CNTRL: variants seen among roughly 807,000 people sequenced by gnomAD.
CNTRL encodes centriolin.
In CNTRL, 233 loss-of-function variants were observed where a neutral mutation model predicts 303.7. The observed-to-expected ratio is 0.77, with a 90% confidence interval of 0.69 to 0.86. The LOEUF is 0.86. Ranked by LOEUF, CNTRL falls within the 40% of genes least tolerant of loss-of-function variation. CNTRL has a pLI of 0.00. For missense variants in CNTRL, 2,524 were observed against 2,650.6 expected (o/e 0.95, Z 1.05); for synonymous variants, 900 against 922.2 (o/e 0.98, Z 0.44).
chr9:121,076,786 G>A (rs564472680), intron 1 of CNTRL, among the ~76,000 whole-genome samples: 18 of 152,140 alleles, frequency 1.2e-4, no homozygotes, highest in African/African-American at 2.4e-4. Flanking sequence ...CAGAGGAATC[G>A]GAATCAGGAT....
chr9:121,135,294 T>C (rs1193054158), intron 14 of CNTRL, among the ~76,000 whole-genome samples: 1 of 150,904 alleles, frequency 6.6e-6, no homozygotes, highest in Non-Finnish European at 1.5e-5. Flanking sequence ...GTATGGGCTT[T>C]GGAGTCGGAG....
rs147142809 is a variant in CNTRL at position 121,140,864 on chromosome 9, A to G, written c.2483+78A>G. 6 of 1,373,484 alleles carry G rather than the reference A, an allele frequency of 4.4e-6. 1 individual carries two copies. The African/African-American group carries it at 8.8e-5, about 20-fold the overall frequency. The allele number at this position is 1,373,484 out of a possible 1,614,324, so 85.1% of individuals were successfully genotyped here. A position where few individuals can be genotyped will look rare whatever the true frequency, so the allele number is the denominator to read the frequency against. On this transcript the variant is annotated intron_variant, in intron 17 of 43. Coordinates refer to ENST00000373855, the MANE Select transcript of CNTRL (RefSeq NM_007018.6). ...TTGTGAGTGTGAGGTTCAATGATAA[A>G]CTCACCTTTCTAAGTTCTGTTAATG... is the stretch of plus-strand genomic sequence containing the variant.
chr9:121,111,968 G>A (rs1025746967), intron 8 of CNTRL, among the ~76,000 whole-genome samples: 3 of 152,084 alleles, frequency 2.0e-5, no homozygotes, highest in African/African-American at 7.2e-5. Context: ...ACAACAGTAT[G>A]ACAATTAAAA....
intron 7 of CNTRL, among the ~76,000 whole-genome samples, chr9:121,105,121 A>G (rs2049401985): frequency 6.6e-6 from 1 of 152,206 alleles, no homozygotes; most frequent in Non-Finnish European, 1.5e-5. Context: ...TAGCGTAGCA[A>G]TCTAGGCTGG....
chr9:121,119,080 ATGTGTG>A (rs3047904), intron 12 of CNTRL, among the ~76,000 whole-genome samples: 71 of 148,540 alleles, frequency 4.8e-4, no homozygotes, highest in South Asian at 1.5e-3. Flanking sequence ...ACATAAATAT[ATGTGTG>A]TGTGTGTGTG....
rs1325312235 is a variant in CNTRL at position 121,157,970 on chromosome 9, T to C, written c.4638-13T>C. The C allele has an allele frequency of 1.2e-6, 2 of 1,614,036 alleles. No homozygotes were observed. Among genetic ancestry groups the C allele is most frequent in the Non-Finnish European group, 1.7e-6 (2 of 1,179,996 alleles). ...CCCTTAGGATCTGCTCTAGTGTTGC[T>C]GGTGCTTTGTAGGCTTCAGAAACTA... is the stretch of plus-strand genomic sequence containing the variant. On this transcript the variant is annotated splice_polypyrimidine_tract_variant and intron_variant, in intron 29 of 43. Transcript: ENST00000373855.
At position 121,175,160 on chromosome 9, in the gene CNTRL, C is replaced by T. The variant is rs1474687505; in HGVS notation, c.6890C>T (p.Ser2297Leu). 1.2e-6 allele frequency: 2 copies of T among 1,614,070 alleles called. No individual in the cohort carries two copies. The highest frequency in any genetic ancestry group is 1.7e-5 in the Admixed American group (1 of 60,002). The change falls in exon 43 of 44, where the codon TCA (serine) becomes TTA (leucine). Residue 2297 changes from serine to leucine, a missense_variant. By Grantham distance (145) the Ser-to-Leu change is moderately radical. Coordinates refer to ENST00000373855, the MANE Select transcript of CNTRL (RefSeq NM_007018.6). ...ACCAGCACCTCTGCAGATTCAGCGTCATCACCCAGTCTGTCTCAGCTGGAG... is the reference window on the plus strand; with the variant it reads ...ACCAGCACCTCTGCAGATTCAGCGTTATCACCCAGTCTGTCTCAGCTGGAG... ...LVTSTSADSASSPSLSQLESS... is the reference protein window; with the variant it reads ...LVTSTSADSALSPSLSQLESS...
At chr9:121,134,661 T>C (rs1016206401) in intron 14 of CNTRL, among the ~76,000 whole-genome samples, 3 of 152,208 alleles carry the variant, frequency 2.0e-5, no homozygotes, top group Admixed American at 1.3e-4. Flanking sequence ...TGTGTGTGTG[T>C]GCACATGCGT....
intron 3 of CNTRL, among the ~76,000 whole-genome samples, chr9:121,089,656 T>C (rs935561871): frequency 3.9e-5 from 6 of 152,222 alleles, no homozygotes; most frequent in Non-Finnish European, 8.8e-5. Context: ...GAACTTTAGA[T>C]TGGAATTTTC....
At chr9:121,173,839 T>TG (rs2053414581) in intron 42 of CNTRL, 102 bp downstream of exon 42, 21 of 1,104,876 alleles carry the variant, frequency 1.9e-5, no homozygotes, top group Non-Finnish European at 2.9e-5. Context: ...TCCATGCTGT[T>TG]GCAGCCCTGC....
At chr9:121,104,231 T>C (rs1214636163) in intron 7 of CNTRL, among the ~76,000 whole-genome samples, 3 of 152,210 alleles carry the variant, frequency 2.0e-5, no homozygotes, top group Non-Finnish European at 4.4e-5. Flanking sequence ...TGTAGGGACA[T>C]GGTTGAAGCT....
At chr9:121,110,364 A>G (rs1176608464) in intron 8 of CNTRL, among the ~76,000 whole-genome samples, 2 of 152,190 alleles carry the variant, frequency 1.3e-5, no homozygotes, top group Non-Finnish European at 2.9e-5. Flanking sequence ...TAGTAAATCT[A>G]TAACTCAGAA....
chr9:121,144,471 C>G (rs1264421523), intron 20 of CNTRL, among the ~76,000 whole-genome samples: 1 of 152,144 alleles, frequency 6.6e-6, no homozygotes, highest in Non-Finnish European at 1.5e-5. Context: ...CATAGTATGA[C>G]TCCTTACTGA....
At chr9:121,075,544 A>G (rs575121741) in intron 1 of CNTRL, among the ~76,000 whole-genome samples, 1 of 152,308 alleles carries the variant, frequency 6.6e-6, no homozygotes, top group Admixed American at 6.5e-5. Flanking sequence ...AAGAAGGGGA[A>G]GAACAAACAC....
chr9:121,127,322 T>A (rs778726121), intron 14 of CNTRL, among the ~76,000 whole-genome samples: 1 of 152,176 alleles, frequency 6.6e-6, no homozygotes, highest in African/African-American at 2.4e-5. Flanking sequence ...CTTGAACACA[T>A]GGGGACTATG....
At chr9:121,132,294 A>C (rs2050910498) in intron 14 of CNTRL, among the ~76,000 whole-genome samples, 1 of 152,056 alleles carries the variant, frequency 6.6e-6, no homozygotes, top group Non-Finnish European at 1.5e-5. Flanking sequence ...TGGTCTTTTC[A>C]CATAGTCCCA....
At chr9:121,150,047 A>T in intron 24 of CNTRL, 123 bp from the exon 25 acceptor site, 1 of 653,462 alleles carries the variant, frequency 1.5e-6, no homozygotes, top group Non-Finnish European at 2.4e-6. Context: ...TCAGAGTTTT[A>T]TTCTCACATC....
intron 14 of CNTRL, among the ~76,000 whole-genome samples, chr9:121,129,945 T>G (rs980705431): frequency 2.6e-5 from 4 of 152,244 alleles, no homozygotes; most frequent in Admixed American, 1.3e-4. Flanking sequence ...TTTATTGATT[T>G]GTGTATGTTG....
At position 121,161,937 on chromosome 9, in the gene CNTRL, C is replaced by A; in HGVS notation, c.5171C>A (p.Ser1724Tyr). 6.2e-7 allele frequency: 1 copy of A among 1,614,128 alleles called. No homozygotes were observed. Among genetic ancestry groups the A allele is most frequent in the Non-Finnish European group, 8.5e-7 (1 of 1,180,012 alleles). Reference sequence around the variant, plus strand: ...AAGCTACAACATGACCAAAGGGTATCTGAATTAGAGAAGACTCAGGTGGCA... The same window carrying A: ...AAGCTACAACATGACCAAAGGGTATATGAATTAGAGAAGACTCAGGTGGCA... Reference protein sequence around the residue: ...GLKLQHDQRVSELEKTQVAVL... With the variant: ...GLKLQHDQRVYELEKTQVAVL... The change falls in exon 33 of 44, where the codon TCT becomes TAT. Residue 1724 changes from serine (S) to tyrosine (Y), a missense_variant. Coordinates refer to ENST00000373855, the MANE Select transcript of CNTRL (RefSeq NM_007018.6).
Sources: gnomAD v4.1 joint callset for allele counts (sites outside exome capture counted in the v4.1 genomes callset) on GRCh38, gnomAD v4.1.1 for gene constraint, MANE v1.5 for transcripts, NCBI Gene and HGNC (gene_info 2026-07-23, HGNC 2026-07-21) for gene names.